Variants in FSTL5 observed in about 807,000 individuals in gnomAD.
FSTL5 encodes follistatin-related protein 5.
A neutral mutation model predicts 89.1 loss-of-function variants in FSTL5; 62 were observed. That is an observed-to-expected ratio of 0.70 (90% CI 0.57 to 0.86). The LOEUF (loss-of-function observed/expected upper bound fraction) is 0.86. FSTL5 is among the 40% of genes least tolerant of loss of function. FSTL5 has a pLI of 0.00. For missense variants in FSTL5, 1,057 were observed against 1,001.6 expected (o/e 1.06, Z -0.75); for synonymous variants, 383 against 346.2 (o/e 1.11, Z -1.18).
intron 2 of FSTL5, among the ~76,000 whole-genome samples, chr4:162,102,512 A>T (rs1349654742): frequency 6.7e-6 from 1 of 148,578 alleles, no homozygotes; most frequent in Non-Finnish European, 1.5e-5. Context: ...CCAAATATAT[A>T]TTTTCAAGTG....
intron 1 of FSTL5, among the ~76,000 whole-genome samples, chr4:162,117,599 T>C (rs776415352): frequency 6.6e-6 from 1 of 152,156 alleles, no homozygotes; most frequent in Non-Finnish European, 1.5e-5. Context: ...ACATTATATA[T>C]TTCTAGAAAA....
At chr4:162,023,762 T>C (rs537916234) in intron 3 of FSTL5, among the ~76,000 whole-genome samples, 7 of 152,292 alleles carry the variant, frequency 4.6e-5, no homozygotes, top group African/African-American at 7.2e-5. Context: ...AGGTCCATCA[T>C]AGAACTGGGA....
chr4:161,521,016 T>C (rs1731002447), intron 10 of FSTL5, among the ~76,000 whole-genome samples: 1 of 152,226 alleles, frequency 6.6e-6, no homozygotes, highest in African/African-American at 2.4e-5. Context: ...TGATTTCATT[T>C]TGAATGTAGC....
intron 13 of FSTL5, among the ~76,000 whole-genome samples, chr4:161,463,196 T>G (rs994061303): frequency 6.6e-6 from 1 of 152,140 alleles, no homozygotes; most frequent in Non-Finnish European, 1.5e-5. Flanking sequence ...TTTCCGACTT[T>G]GAAAAATGTC....
intron 1 of FSTL5, among the ~76,000 whole-genome samples, chr4:162,160,552 T>TA (rs975382393): frequency 1.3e-5 from 2 of 151,734 alleles, no homozygotes; most frequent in African/African-American, 4.8e-5. Flanking sequence ...TATTAAGTAG[T>TA]AAAAAATACG....
chr4:161,709,067 C>T (rs992077305), intron 6 of FSTL5, among the ~76,000 whole-genome samples: 1 of 152,112 alleles, frequency 6.6e-6, no homozygotes, highest in African/African-American at 2.4e-5. Flanking sequence ...TTGCCTCTAA[C>T]ATGGCTTGAA....
intron 15 of FSTL5, among the ~76,000 whole-genome samples, chr4:161,437,933 C>G (rs1732626784): frequency 6.6e-6 from 1 of 152,130 alleles, no homozygotes; most frequent in Non-Finnish European, 1.5e-5. Context: ...GGGAGTGATA[C>G]AATTGAGACG....
intron 4 of FSTL5, among the ~76,000 whole-genome samples, chr4:161,790,964 C>T (rs1030202287): frequency 6.8e-6 from 1 of 146,942 alleles, no homozygotes. Context: ...GGCTCATGAC[C>T]ATGTCCCTAG....
At chr4:161,711,662 A>G (rs1157100834) in intron 6 of FSTL5, among the ~76,000 whole-genome samples, 3 of 152,092 alleles carry the variant, frequency 2.0e-5, no homozygotes, top group African/African-American at 7.2e-5. Context: ...AAACTATTCA[A>G]AGATAACAGA....
intron 10 of FSTL5, among the ~76,000 whole-genome samples, chr4:161,531,932 T>C (rs4691768): frequency 0.99 from 150,903 of 152,236 alleles, 74,803 homozygotes; most frequent in Middle Eastern, 1. Flanking sequence ...GGGCCGGGCG[T>C]GGTGGCTCAC....
intron 4 of FSTL5, among the ~76,000 whole-genome samples, chr4:161,911,016 C>T (rs527840492): frequency 7.9e-5 from 12 of 152,148 alleles, no homozygotes; most frequent in African/African-American, 2.9e-4. Flanking sequence ...TATTTCCACA[C>T]TTTTGCCTGT....
intron 4 of FSTL5, among the ~76,000 whole-genome samples, chr4:161,905,368 A>G (rs1733492924): frequency 6.6e-6 from 1 of 152,128 alleles, no homozygotes; most frequent in Non-Finnish European, 1.5e-5. Flanking sequence ...GCTTACCTAG[A>G]GATGTCATTA....
intron 2 of FSTL5, among the ~76,000 whole-genome samples, chr4:162,068,191 GA>G (rs1338313093): frequency 6.6e-6 from 1 of 151,972 alleles, no homozygotes; most frequent in African/African-American, 2.4e-5. Flanking sequence ...CACAGAATTA[GA>G]AAAAACTATT....
intron 4 of FSTL5, among the ~76,000 whole-genome samples, chr4:161,911,411 A>G (rs577793930): frequency 6.6e-6 from 1 of 152,250 alleles, no homozygotes; most frequent in African/African-American, 2.4e-5. Flanking sequence ...AAATCTATTT[A>G]AGAACTTTGG....
chr4:161,901,472 G>C (rs1733362711), intron 4 of FSTL5, among the ~76,000 whole-genome samples: 1 of 152,150 alleles, frequency 6.6e-6, no homozygotes. Context: ...GATTTGGCCA[G>C]ATCATATGAA....
intron 3 of FSTL5, among the ~76,000 whole-genome samples, chr4:161,972,089 T>C (rs1735500730): frequency 6.6e-6 from 1 of 152,112 alleles, no homozygotes; most frequent in African/African-American, 2.4e-5. Flanking sequence ...GAAGAAACTG[T>C]GATGTGCTTC....
At chr4:161,953,075 G>A (rs2110958051) in intron 3 of FSTL5, among the ~76,000 whole-genome samples, 1 of 151,838 alleles carries the variant, frequency 6.6e-6, no homozygotes, top group East Asian at 1.9e-4. Context: ...CCTGAAGATA[G>A]ATGGCTGGAT....
chr4:161,771,468 G>T (rs536286357), intron 5 of FSTL5, among the ~76,000 whole-genome samples: 1 of 152,158 alleles, frequency 6.6e-6, no homozygotes, highest in Admixed American at 6.5e-5. Flanking sequence ...TACTTGGAAA[G>T]TAGTAGAGAT....
chr4:161,783,601 T>TTGC (rs1741747690), intron 4 of FSTL5, among the ~76,000 whole-genome samples: 3 of 10,950 alleles, frequency 2.7e-4, no homozygotes, highest in Non-Finnish European at 2.5e-4. Context: ...TCCTTGCCTT[T>TTGC]CTTTCTTTCT....
Sources: gnomAD v4.1 joint callset for allele counts (sites outside exome capture counted in the v4.1 genomes callset) on GRCh38, gnomAD v4.1.1 for gene constraint, MANE v1.5 for transcripts, NCBI Gene and HGNC (gene_info 2026-07-23, HGNC 2026-07-21) for gene names.